Variants in LAMA2 observed in about 807,000 individuals in gnomAD.
The protein encoded by LAMA2 is laminin subunit alpha 2, also known as laminin subunit alpha-2.
In LAMA2, 269 loss-of-function variants were observed where a neutral mutation model predicts 364.8. The ratio of observed to expected loss-of-function variants is 0.74; its 90% CI spans 0.67 to 0.82. LAMA2 has a LOEUF of 0.82. Ranked by LOEUF, LAMA2 falls within the 40% of genes least tolerant of loss-of-function variation. The pLI is 0.00. For missense variants in LAMA2, 3,807 were observed against 3,873.2 expected, an observed-to-expected ratio of 0.98 and a Z score of 0.45; for synonymous variants, 1,379 against 1,370.6, an observed-to-expected ratio of 1.01 and a Z score of -0.14.
intron 43 of LAMA2, among the ~76,000 whole-genome samples, chr6:129,441,346 C>T (rs762378728): frequency 2.6e-5 from 4 of 152,042 alleles, no homozygotes; most frequent in Non-Finnish European, 5.9e-5. Flanking sequence ...TCAGAACTGG[C>T]GAAGTGTCAT....
At chr6:129,196,975 A>G (rs1167140668) in intron 12 of LAMA2, among the ~76,000 whole-genome samples, 1 of 152,128 alleles carries the variant, frequency 6.6e-6, no homozygotes, top group East Asian at 1.9e-4. Flanking sequence ...ACGATTACAC[A>G]TTCCTCATTA....
At chr6:129,253,362 C>T (rs1412783653) in intron 14 of LAMA2, among the ~76,000 whole-genome samples, 2 of 152,212 alleles carry the variant, frequency 1.3e-5, no homozygotes, top group African/African-American at 4.8e-5. Context: ...ACCACCACCT[C>T]TCACCTCCCT....
chr6:129,279,776 A>G (rs1331308306), intron 17 of LAMA2, among the ~76,000 whole-genome samples: 1 of 152,196 alleles, frequency 6.6e-6, no homozygotes, highest in Non-Finnish European at 1.5e-5. Context: ...AAGCAGCTAT[A>G]CATTTCCACT....
intron 1 of LAMA2, among the ~76,000 whole-genome samples, chr6:128,944,521 G>A (rs907462623): frequency 6.6e-6 from 1 of 152,104 alleles, no homozygotes; most frequent in Non-Finnish European, 1.5e-5. Flanking sequence ...AAGGCGGGAT[G>A]CAGTGGCTCA....
intron 18 of LAMA2, among the ~76,000 whole-genome samples, chr6:129,281,857 G>C (rs929901093): frequency 2.0e-5 from 3 of 152,082 alleles, no homozygotes; most frequent in African/African-American, 7.2e-5. Flanking sequence ...TTAGATTAGG[G>C]TTTTCCAGGA....
chr6:129,055,174 T>C (rs1788384828), intron 2 of LAMA2, among the ~76,000 whole-genome samples: 1 of 99,550 alleles, frequency 1.0e-5, no homozygotes, highest in Non-Finnish European at 1.9e-5. Flanking sequence ...ACATTATTAT[T>C]ATTTATTATT....
At chr6:129,209,069 A>C (rs1782912584) in intron 12 of LAMA2, among the ~76,000 whole-genome samples, 1 of 152,162 alleles carries the variant, frequency 6.6e-6, no homozygotes. Context: ...AAGCCATTGA[A>C]GTTCCCCTAG....
chr6:129,416,929 T>C (rs1198513677), intron 40 of LAMA2, among the ~76,000 whole-genome samples: 1 of 152,100 alleles, frequency 6.6e-6, no homozygotes, highest in Admixed American at 6.5e-5. Context: ...CCAGACATAC[T>C]ACAATTGGCT....
rs144761571 is a variant in LAMA2 at position 129,229,486 on chromosome 6, G to A, written c.1783-20626G>A. On this transcript the variant is annotated intron_variant, in intron 12 of 64. Transcript: ENST00000421865. The stretch of plus-strand genomic sequence containing the variant: ...TATCGTAGGTCTTTGGCACACTGTA[G>A]TTAATGTCTTCACATTTTTCTTGCA... Among the ~76,000 whole-genome samples the A allele has an allele frequency of 4.2e-3, 638 of 152,252 alleles. 2 individuals are homozygous for A. The highest frequency in any genetic ancestry group is 0.024 in the Middle Eastern group (7 of 294).
intron 9 of LAMA2, among the ~76,000 whole-genome samples, chr6:129,175,871 G>T (rs1780555602): frequency 1.3e-5 from 2 of 152,056 alleles, no homozygotes; most frequent in Admixed American, 6.6e-5. Context: ...ATTAAAACAT[G>T]TTTGTGGTAG....
At chr6:129,372,722 A>G (rs1282394503) in intron 34 of LAMA2, among the ~76,000 whole-genome samples, 1 of 152,220 alleles carries the variant, frequency 6.6e-6, no homozygotes, top group Non-Finnish European at 1.5e-5. Flanking sequence ...AGAAATTACC[A>G]AAATGTATTC....
chr6:129,144,024 T>C lies in LAMA2; in HGVS notation c.763T>C (p.Leu255=), dbSNP rs1778280933. The C allele has an allele frequency of 6.2e-7, 1 of 1,612,636 alleles. No individual in the cohort carries two copies. The highest frequency in any genetic ancestry group is 1.3e-5 in the African/African-American group (1 of 74,838). ...FQRIRTLNAD[L]MMFAHKDPRE... ...GAGGATCCGCACACTGAATGCTGAC[T>C]TGATGATGTTTGCTCACAAAGACCC... is the stretch of plus-strand genomic sequence containing the variant. The change falls in exon 5 of 65, where the codon TTG becomes CTG. Residue 255 remains leucine (L), a synonymous_variant. Transcript: ENST00000421865.
intron 4 of LAMA2, among the ~76,000 whole-genome samples, chr6:129,132,350 T>C (rs936795639): frequency 2.0e-5 from 3 of 152,064 alleles, no homozygotes; most frequent in Non-Finnish European, 4.4e-5. Context: ...GTATTTTTAG[T>C]AGAGACGGGG....
chr6:129,326,119 C>T (rs1406649211), intron 28 of LAMA2, among the ~76,000 whole-genome samples: 3 of 152,186 alleles, frequency 2.0e-5, no homozygotes, highest in African/African-American at 4.8e-5. Context: ...GGATTACAGG[C>T]GTGAGCCACC....
At chr6:129,334,708 TC>T (rs2114549335) in intron 29 of LAMA2, among the ~76,000 whole-genome samples, 1 of 152,264 alleles carries the variant, frequency 6.6e-6, no homozygotes, top group East Asian at 1.9e-4. Context: ...AAGTCCAAGA[TC>T]AAGTCTCCAG....
intron 32 of LAMA2, among the ~76,000 whole-genome samples, chr6:129,353,694 A>G (rs1342929929): frequency 6.6e-6 from 1 of 152,138 alleles, no homozygotes; most frequent in Non-Finnish European, 1.5e-5. Context: ...GTGACAGATT[A>G]AAGATGTGAG....
intron 4 of LAMA2, among the ~76,000 whole-genome samples, chr6:129,113,346 A>G (rs1055870479): frequency 2.0e-5 from 3 of 152,018 alleles, no homozygotes; most frequent in Admixed American, 6.6e-5. Flanking sequence ...GAATCAATCC[A>G]GTTGGCAGGA....
rs1400126417 is a variant in LAMA2, at chr6:129,205,491, T to TAC, written c.1782+12639_1782+12640insCA. Among the ~76,000 whole-genome samples the TAC allele has an allele frequency of 3.2e-3, 392 of 123,060 alleles. 6 individuals carry two copies. The highest frequency in any genetic ancestry group is 0.025 in the Middle Eastern group (6 of 244). 80.7% of individuals were successfully genotyped at this position (123,060 alleles called of 152,430 possible). ...TTTATTCTGTAAGTATATATATATA[T>TAC]ATACACACACACACACACACACACA... On this transcript the variant is annotated intron_variant, in intron 12 of 64. Transcript: ENST00000421865.
At chr6:129,014,174 C>T (rs1291321884) in intron 1 of LAMA2, among the ~76,000 whole-genome samples, 2 of 152,136 alleles carry the variant, frequency 1.3e-5, no homozygotes, top group Non-Finnish European at 2.9e-5. Flanking sequence ...TATAGCCATA[C>T]TGAATTTTAG....
Sources: gnomAD v4.1 joint callset for allele counts (sites outside exome capture counted in the v4.1 genomes callset) on GRCh38, gnomAD v4.1.1 for gene constraint, MANE v1.5 for transcripts, NCBI Gene and HGNC (gene_info 2026-07-23, HGNC 2026-07-21) for gene names.